Variants in CDC42EP3 observed in about 807,000 individuals in gnomAD.
CDC42EP3 encodes CDC42 effector protein 3, also known as CDC42 effector protein (Rho GTPase binding) 3.
Under a neutral mutation model 15.5 loss-of-function variants are expected in CDC42EP3, and 4 were observed. The ratio of observed to expected loss-of-function variants is 0.26; its 90% CI spans 0.13 to 0.59. CDC42EP3 has a LOEUF of 0.59. Ranked by LOEUF, CDC42EP3 falls within the 20% of genes least tolerant of loss-of-function variation. The pLI, the probability that CDC42EP3 is intolerant of heterozygous loss-of-function variation, is 0.89. For synonymous variants in CDC42EP3, 145 were observed against 130.3 expected, an observed-to-expected ratio of 1.11 and a Z score of -0.77; for missense variants, 309 against 311.2, an observed-to-expected ratio of 0.99 and a Z score of 0.05.
intron 1 of CDC42EP3, among the ~76,000 whole-genome samples, chr2:37,661,459 G>A (rs562481849): frequency 6.9e-4 from 105 of 152,306 alleles, no homozygotes; most frequent in African/African-American, 2.4e-3. Flanking sequence ...AACAGGAGAC[G>A]TAGAGGGAGC....
At chr2:37,661,141 A>AGT (rs200964979) in intron 1 of CDC42EP3, among the ~76,000 whole-genome samples, 1,769 of 148,870 alleles carry the variant, frequency 0.012, 31 homozygotes, top group African/African-American at 0.04. Context: ...GTGTGTGTAT[A>AGT]GTGTGTGTAT....
chr2:37,659,406 C>T (rs1665984224), intron 1 of CDC42EP3, among the ~76,000 whole-genome samples: 1 of 152,174 alleles, frequency 6.6e-6, no homozygotes, highest in African/African-American at 2.4e-5. Context: ...CCTATCCATG[C>T]AGGGTAATAA....
chr2:37,672,709 T>G (rs536041989), upstream of CDC42EP3, among the ~76,000 whole-genome samples: 4 of 152,174 alleles, frequency 2.6e-5, no homozygotes, highest in Non-Finnish European at 4.4e-5. Context: ...CCAGCCCGCA[T>G]GGTCAGCCAG....
At chr2:37,668,680 T>C (rs1001826146) in intron 1 of CDC42EP3, among the ~76,000 whole-genome samples, 8 of 152,204 alleles carry the variant, frequency 5.3e-5, no homozygotes, top group Non-Finnish European at 1.2e-4. Context: ...ACTGCACAAC[T>C]TTGGGTAAGT....
At chr2:37,672,186 C>G (rs1666455237), upstream of CDC42EP3, 1 of 152,146 alleles carries the variant, frequency 6.6e-6, no homozygotes, top group Non-Finnish European at 1.5e-5. Flanking sequence ...TCAGCCCGGG[C>G]TCCGGTGGGC....
At position 37,659,919 on chromosome 2, in the gene CDC42EP3, C is replaced by T. The variant is rs548679479; in HGVS notation, c.-236+11507G>A. ...CTGTACGGGCCAACGAAACTGCTATCTCACTGCTGTTCCTGGCCTGAGCGG... is the reference window on the plus strand; with the variant it reads ...CTGTACGGGCCAACGAAACTGCTATTTCACTGCTGTTCCTGGCCTGAGCGG... On this transcript the variant is annotated intron_variant, in intron 1 of 1. Coordinates refer to ENST00000295324, the MANE Select transcript of CDC42EP3 (RefSeq NM_006449.5). Among the ~76,000 whole-genome samples, 4 of 152,366 alleles carry T rather than the reference C, an allele frequency of 2.6e-5. No individual in the cohort carries two copies. The East Asian group carries it at 7.7e-4, about 29-fold the overall frequency.
chr2:37,663,276 G>A (rs759946287), intron 1 of CDC42EP3, among the ~76,000 whole-genome samples: 113 of 152,304 alleles, frequency 7.4e-4, no homozygotes, highest in Non-Finnish European at 1.1e-3. Context: ...ATCCATGGAG[G>A]GCCTACTAAG....
chr2:37,658,594 C>T (rs771853662), intron 1 of CDC42EP3, among the ~76,000 whole-genome samples: 3 of 152,186 alleles, frequency 2.0e-5, no homozygotes, highest in African/African-American at 2.4e-5. Flanking sequence ...TTTCTTCCCC[C>T]TGCCTGCCTT....
At chr2:37,661,110 A>AGTGTGTGT (rs34074254) in intron 1 of CDC42EP3, among the ~76,000 whole-genome samples, 14 of 141,388 alleles carry the variant, frequency 9.9e-5, no homozygotes, top group African/African-American at 3.2e-4. Flanking sequence ...GTGTGTGTAC[A>AGTGTGTGT]GTGTGTGTGT....
chr2:37,659,601 T>G (rs1032570879), intron 1 of CDC42EP3, among the ~76,000 whole-genome samples: 1 of 152,206 alleles, frequency 6.6e-6, no homozygotes, highest in Non-Finnish European at 1.5e-5. Flanking sequence ...AAAGAAAATT[T>G]GACAATACAG....
Position 37,646,794 on chromosome 2 carries a change from A to C in CDC42EP3, c.-207T>G, listed in dbSNP as rs766319779. 39 of 522,468 alleles carry C rather than the reference A, an allele frequency of 7.5e-5. No homozygotes were observed. Among genetic ancestry groups the C allele is most frequent in the Non-Finnish European group, 1.2e-4 (36 of 290,018 alleles). 32.4% of individuals were successfully genotyped at this position (522,468 alleles called of 1,614,324 possible). On this transcript the variant is annotated 5_prime_UTR_variant, in exon 2 of 2. It removes an upstream start codon present in the reference 5' UTR. Coordinates refer to ENST00000295324, the MANE Select transcript of CDC42EP3 (RefSeq NM_006449.5). ...GGCTTCCTAGAGAGCCAGTTACATC[A>C]TCCAGTCTTGACCACAACCAGGACA... is the stretch of plus-strand genomic sequence containing the variant.
chr2:37,659,853 C>T (rs1248465843), intron 1 of CDC42EP3, among the ~76,000 whole-genome samples: 1 of 152,118 alleles, frequency 6.6e-6, no homozygotes, highest in South Asian at 2.1e-4. Context: ...AAAAATAAAC[C>T]TATCAAAACA....
intron 1 of CDC42EP3, among the ~76,000 whole-genome samples, chr2:37,668,562 T>C (rs1666313975): frequency 6.6e-6 from 1 of 152,240 alleles, no homozygotes; most frequent in African/African-American, 2.4e-5. Context: ...TTCAGTTTTT[T>C]TTCCCATCCC....
Position 37,646,649 on chromosome 2 carries a change from T to G in CDC42EP3, c.-62A>C. On this transcript the variant is annotated 5_prime_UTR_variant, in exon 2 of 2. Transcript: ENST00000295324. ...AAAGGGCCACTTTCTTCACAGATGG[T>G]ATATGTTTCTGAATCCTTTTTGATA... is the stretch of plus-strand genomic sequence containing the variant. 7.0e-7 allele frequency: 1 copy of G among 1,422,594 alleles called. No individual in the cohort carries two copies. Among genetic ancestry groups the G allele is most frequent in the South Asian group, 1.4e-5 (1 of 70,664 alleles). 88.1% of individuals were successfully genotyped at this position (1,422,594 alleles called of 1,614,324 possible). A position where few individuals can be genotyped will look rare whatever the true frequency, so the allele number is the denominator to read the frequency against.
rs1665336836 is a variant in CDC42EP3 at position 37,643,510 on chromosome 2, T to A, written c.*2313A>T. 6.6e-6 allele frequency: 1 copy of A among 152,240 alleles called. No homozygotes were observed. Among genetic ancestry groups the A allele is most frequent in the African/African-American group, 2.4e-5 (1 of 41,464 alleles). The allele number at this position is 152,240 out of a possible 1,614,324, so 9.4% of individuals were successfully genotyped here. ...GTAGGCAGGATGTGTGATTAATATT[T>A]AGAATCTATCAAACCCAGTACTGGC... On this transcript the variant is annotated 3_prime_UTR_variant, in exon 2 of 2. Coordinates refer to ENST00000295324, the MANE Select transcript of CDC42EP3 (RefSeq NM_006449.5).
intron 1 of CDC42EP3, among the ~76,000 whole-genome samples, chr2:37,654,353 G>A (rs1665782513): frequency 6.6e-6 from 1 of 152,132 alleles, no homozygotes; most frequent in Non-Finnish European, 1.5e-5. Context: ...TGAAGGAATA[G>A]AGCAGCTTAA....
chr2:37,645,814 G>A lies in CDC42EP3; in HGVS notation c.*9C>T, dbSNP rs1437602882. ...CCTTTTACCCCAAAGGAAAAAAGTT[G>A]GCATCTTGTTACTTATTTTTATCCA... On this transcript the variant is annotated 3_prime_UTR_variant, in exon 2 of 2. Transcript: ENST00000295324. The A allele has an allele frequency of 6.6e-7, 1 of 1,511,996 alleles. No homozygotes were observed. Among genetic ancestry groups the A allele is most frequent in the Admixed American group, 2.3e-5 (1 of 42,730 alleles). The allele number at this position is 1,511,996 out of a possible 1,614,324, so 93.7% of individuals were successfully genotyped here. A position where few individuals can be genotyped will look rare whatever the true frequency, so the allele number is the denominator to read the frequency against.
chr2:37,661,428 C>A (rs1022190585), intron 1 of CDC42EP3, among the ~76,000 whole-genome samples: 2 of 152,108 alleles, frequency 1.3e-5, no homozygotes, highest in Admixed American at 1.3e-4. Context: ...ACAGGAGATG[C>A]ACTTATCAAA....
intron 1 of CDC42EP3, among the ~76,000 whole-genome samples, chr2:37,655,543 T>C (rs1408233665): frequency 6.6e-6 from 1 of 152,130 alleles, no homozygotes; most frequent in East Asian, 1.9e-4. Context: ...AATGTGGACA[T>C]AGAACTCTGG....
Sources: allele counts gnomAD v4.1 joint callset (sites outside exome capture counted in the v4.1 genomes callset), GRCh38; gene constraint gnomAD v4.1.1; transcripts MANE v1.5; gene names NCBI Gene and HGNC (gene_info 2026-07-23, HGNC 2026-07-21).